SUDS3: variants seen among roughly 807,000 people sequenced by gnomAD.
SUDS3 encodes SIN3A corepressor complex component SDS3, also known as sin3 histone deacetylase corepressor complex component SDS3.
A neutral mutation model predicts 53.5 loss-of-function variants in SUDS3; 23 were observed. The ratio of observed to expected loss-of-function variants is 0.43; its 90% confidence interval spans 0.31 to 0.61. The LOEUF is 0.61. Among genes scored for constraint, SUDS3 ranks in the 20% least tolerant of loss-of-function variants. The pLI, the probability that SUDS3 is intolerant of heterozygous loss-of-function variation, is 0.10. For missense variants in SUDS3, 291 were observed against 405.9 expected (o/e 0.72, Z 2.43); for synonymous variants, 150 against 148.5 (o/e 1.01, Z -0.08).
At chr12:118,394,210 A>G (rs1011316756) in intron 6 of SUDS3, among the ~76,000 whole-genome samples, 1 of 152,212 alleles carries the variant, frequency 6.6e-6, no homozygotes, top group Non-Finnish European at 1.5e-5. Flanking sequence ...AGGGGATGAT[A>G]GAACCTACTG....
Position 118,403,525 on chromosome 12 carries a change from A to G in SUDS3, c.803+8A>G, listed in dbSNP as rs1421673255. 2 of 1,608,106 alleles carry G rather than the reference A, an allele frequency of 1.2e-6. No homozygotes were observed. Among genetic ancestry groups the G allele is most frequent in the Non-Finnish European group, 1.7e-6 (2 of 1,176,862 alleles). On this transcript the variant is annotated splice_region_variant and intron_variant, in intron 10 of 11. Coordinates refer to ENST00000543473, the MANE Select transcript of SUDS3 (RefSeq NM_022491.3). Reference sequence around the variant, plus strand: ...GTACTATGACAAAAGATGGTATGTTATGGGAAAACCTGGACTAGTAAGAGT... The same window carrying G: ...GTACTATGACAAAAGATGGTATGTTGTGGGAAAACCTGGACTAGTAAGAGT...
At chr12:118,394,579 A>C (rs550744677) in intron 6 of SUDS3, among the ~76,000 whole-genome samples, 5 of 152,288 alleles carry the variant, frequency 3.3e-5, no homozygotes, top group African/African-American at 9.6e-5. Flanking sequence ...CTAGGAGGCT[A>C]TTTTCTGGTA....
In SUDS3 at chr12:118,414,837, A is replaced by G. The variant is rs2046386448; in HGVS notation, c.*404A>G. 1 of 154,730 alleles carries G rather than the reference A, an allele frequency of 6.5e-6. No homozygotes were observed. The highest frequency in any genetic ancestry group is 1.4e-5 in the Non-Finnish European group (1 of 69,790). The allele number at this position is 154,730 out of a possible 1,614,324, so 9.6% of individuals were successfully genotyped here. On this transcript the variant is annotated 3_prime_UTR_variant, in exon 12 of 12. Coordinates refer to ENST00000543473, the MANE Select transcript of SUDS3 (RefSeq NM_022491.3). ...CAGGAAGGGATACACTCTCCAGTGC[A>G]TTTTCATGTTTTGAATCTGATTAGT...
intron 10 of SUDS3, among the ~76,000 whole-genome samples, chr12:118,410,575 ATTTAT>A (rs1245509085): frequency 3.8e-5 from 5 of 131,646 alleles, no homozygotes; most frequent in African/African-American, 1.3e-4. Flanking sequence ...TTATTTATTT[ATTTAT>A]TTTATTTATT....
In SUDS3 at chr12:118,391,289, A is replaced by G; in HGVS notation, c.517+7A>G. 1 of 1,607,852 alleles carries G rather than the reference A, an allele frequency of 6.2e-7. No homozygotes were observed. The highest frequency in any genetic ancestry group is 8.5e-7 in the Non-Finnish European group (1 of 1,177,928). ...ACAATGGAACTGACTGGAGGTAGGAAAGCCCTATGGGGTGGGATCTTGGGG... is the reference window on the plus strand; with the variant it reads ...ACAATGGAACTGACTGGAGGTAGGAGAGCCCTATGGGGTGGGATCTTGGGG... On this transcript the variant is annotated splice_region_variant and intron_variant, in intron 6 of 11. Transcript: ENST00000543473.
At chr12:118,380,947 C>T (rs2141359647) in intron 2 of SUDS3, among the ~76,000 whole-genome samples, 1 of 152,308 alleles carries the variant, frequency 6.6e-6, no homozygotes, top group South Asian at 2.1e-4. Context: ...TCGTGATCCG[C>T]CCACCTTGGC....
intron 2 of SUDS3, among the ~76,000 whole-genome samples, chr12:118,380,956 G>A (rs1017353976): frequency 3.9e-5 from 6 of 152,146 alleles, no homozygotes; most frequent in Non-Finnish European, 8.8e-5. Context: ...GCCCACCTTG[G>A]CCTTCCAAAG....
intron 10 of SUDS3, chr12:118,404,112 GTTTGTTT>G (rs1030408420): frequency 2.0e-5 from 3 of 152,158 alleles, no homozygotes; most frequent in Non-Finnish European, 2.9e-5. Flanking sequence ...AACATTCCTA[GTTTGTTT>G]TTTGTTTTTT....
chr12:118,409,369 T>A (rs771184329), intron 10 of SUDS3, among the ~76,000 whole-genome samples: 7 of 152,056 alleles, frequency 4.6e-5, no homozygotes, highest in Admixed American at 6.5e-5. Context: ...CTGGTCTCGA[T>A]CTCCTGACCT....
At chr12:118,401,004 G>T (rs1461294784) in intron 7 of SUDS3, among the ~76,000 whole-genome samples, 1 of 152,190 alleles carries the variant, frequency 6.6e-6, no homozygotes, top group Non-Finnish European at 1.5e-5. Flanking sequence ...TGCATGCAAA[G>T]TTCAGCCTGG....
At chr12:118,405,418 G>A (rs921411947) in intron 10 of SUDS3, among the ~76,000 whole-genome samples, 5 of 152,190 alleles carry the variant, frequency 3.3e-5, no homozygotes, top group African/African-American at 1.2e-4. Flanking sequence ...TTAAAGAAGA[G>A]ATCCACAATG....
At chr12:118,381,556 T>C (rs2046060003) in intron 2 of SUDS3, among the ~76,000 whole-genome samples, 1 of 152,094 alleles carries the variant, frequency 6.6e-6, no homozygotes, top group South Asian at 2.1e-4. Context: ...CTAATAATTT[T>C]CGTATTTTTA....
chr12:118,398,127 G>T (rs1260744386), intron 6 of SUDS3, among the ~76,000 whole-genome samples: 2 of 151,974 alleles, frequency 1.3e-5, no homozygotes, highest in Non-Finnish European at 2.9e-5. Flanking sequence ...GTTTTTTCCT[G>T]CCTGAAAATA....
intron 9 of SUDS3, chr12:118,402,257 A>G: frequency 1.9e-6 from 1 of 538,786 alleles, no homozygotes; most frequent in Non-Finnish European, 3.3e-6. Flanking sequence ...TGATTGATTG[A>G]TTGATTTCCT....
intron 10 of SUDS3, among the ~76,000 whole-genome samples, chr12:118,408,559 C>G (rs140252549): frequency 8.4e-4 from 128 of 152,114 alleles, no homozygotes; most frequent in African/African-American, 2.9e-3. Flanking sequence ...GTCTTGAACT[C>G]CTGACCTCAA....
intron 2 of SUDS3, among the ~76,000 whole-genome samples, chr12:118,380,766 G>A (rs1164937462): frequency 6.6e-6 from 1 of 152,174 alleles, no homozygotes; most frequent in East Asian, 1.9e-4. Flanking sequence ...GAGTGCAGTG[G>A]CAGGATCTCC....
intron 6 of SUDS3, 116 bp from the exon 7 acceptor site, chr12:118,400,543 C>A (rs1023738414): frequency 1.2e-5 from 11 of 913,342 alleles, no homozygotes; most frequent in Non-Finnish European, 1.6e-5. Flanking sequence ...GAACAAACAC[C>A]CCCAGTAAAA....
chr12:118,410,580 T>A (rs199556982), intron 10 of SUDS3, among the ~76,000 whole-genome samples: 2,401 of 133,530 alleles, frequency 0.018, 41 homozygotes, highest in East Asian at 0.039. Context: ...TATTTATTTA[T>A]TTTATTTATT....
intron 2 of SUDS3, among the ~76,000 whole-genome samples, chr12:118,381,821 C>G (rs1417444660): frequency 1.3e-5 from 2 of 152,122 alleles, no homozygotes; most frequent in African/African-American, 4.8e-5. Flanking sequence ...TAGCGTACAC[C>G]CAGATGGAAA....
Sources: gnomAD v4.1 joint callset for allele counts (sites outside exome capture counted in the v4.1 genomes callset) on GRCh38, gnomAD v4.1.1 for gene constraint, MANE v1.5 for transcripts, NCBI Gene and HGNC (gene_info 2026-07-23, HGNC 2026-07-21) for gene names.